The following LCLAT1 variants were observed in gnomAD, a reference collection of about 807,000 sequenced individuals.
LCLAT1 encodes lysocardiolipin acyltransferase 1, also known as 1-AGP acyltransferase 8.
In LCLAT1, 11 loss-of-function variants were observed where a neutral mutation model predicts 30.7. The ratio of observed to expected loss-of-function variants is 0.36; its 90% CI spans 0.23 to 0.59. LCLAT1 has a LOEUF of 0.59. Among genes scored for constraint, LCLAT1 ranks in the 20% least tolerant of loss-of-function variants. The pLI, the probability that LCLAT1 is intolerant of heterozygous loss-of-function variation, is 0.77. For synonymous variants in LCLAT1, 155 were observed against 151.3 expected (o/e 1.02, Z -0.18); for missense variants, 402 against 458.6 (o/e 0.88, Z 1.13).
intron 1 of LCLAT1, among the ~76,000 whole-genome samples, chr2:30,456,531 G>T (rs1572466470): frequency 6.6e-6 from 1 of 151,436 alleles, no homozygotes; most frequent in Non-Finnish European, 1.5e-5. Flanking sequence ...GGAAACTTAG[G>T]CTCCCTACAT....
intron 2 of LCLAT1, among the ~76,000 whole-genome samples, 153 bp downstream of exon 2, chr2:30,525,908 T>C (rs1000511871): frequency 4.6e-5 from 7 of 152,218 alleles, no homozygotes; most frequent in African/African-American, 1.7e-4. Context: ...CTAGATTGCT[T>C]ATAATACCGA....
At chr2:30,637,937 C>T (rs1669116881) in intron 5 of LCLAT1, among the ~76,000 whole-genome samples, 1 of 152,166 alleles carries the variant, frequency 6.6e-6, no homozygotes, top group African/African-American at 2.4e-5. Flanking sequence ...AATACAGCTC[C>T]ACTGAAGCTT....
intron 5 of LCLAT1, among the ~76,000 whole-genome samples, chr2:30,624,249 A>G (rs1668401716): frequency 6.6e-6 from 1 of 152,230 alleles, no homozygotes; most frequent in Non-Finnish European, 1.5e-5. Flanking sequence ...CACAATGAAT[A>G]GAATAGTACT....
chr2:30,496,856 C>T (rs1684144272), intron 1 of LCLAT1, among the ~76,000 whole-genome samples: 1 of 152,166 alleles, frequency 6.6e-6, no homozygotes, highest in Non-Finnish European at 1.5e-5. Context: ...CTAGGCAGTG[C>T]CCAGCAAACC....
chr2:30,627,539 A>G (rs1021107899), intron 5 of LCLAT1, among the ~76,000 whole-genome samples: 1 of 152,192 alleles, frequency 6.6e-6, no homozygotes, highest in Admixed American at 6.5e-5. Context: ...GTTTTCTCAC[A>G]GGTCTGTATA....
At chr2:30,474,857 G>T (rs1458866297) in intron 1 of LCLAT1, among the ~76,000 whole-genome samples, 6 of 152,030 alleles carry the variant, frequency 3.9e-5, no homozygotes, top group African/African-American at 1.4e-4. Flanking sequence ...TCATTTTGTT[G>T]CCTAGGCTGG....
chr2:30,612,650 G>A (rs953055241), intron 5 of LCLAT1, among the ~76,000 whole-genome samples: 1 of 152,198 alleles, frequency 6.6e-6, no homozygotes, highest in Non-Finnish European at 1.5e-5. Context: ...AATGTCTCAT[G>A]TCCAGAACAG....
intron 3 of LCLAT1, among the ~76,000 whole-genome samples, chr2:30,548,870 T>G (rs1221486637): frequency 1.3e-5 from 2 of 152,150 alleles, no homozygotes; most frequent in Admixed American, 6.5e-5. Flanking sequence ...AAAGCTCATG[T>G]GATGAGAATT....
At chr2:30,587,056 T>A (rs1666476472) in intron 5 of LCLAT1, among the ~76,000 whole-genome samples, 1 of 152,194 alleles carries the variant, frequency 6.6e-6, no homozygotes, top group African/African-American at 2.4e-5. Context: ...ACCTGAACAC[T>A]CTCAAGTGAC....
chr2:30,493,626 G>C (rs1390542172), intron 1 of LCLAT1, among the ~76,000 whole-genome samples: 1 of 152,088 alleles, frequency 6.6e-6, no homozygotes, highest in Non-Finnish European at 1.5e-5. Context: ...TCAAGATACA[G>C]AACAGCTCTG....
chr2:30,497,083 T>C (rs1684155278), intron 1 of LCLAT1, among the ~76,000 whole-genome samples: 1 of 152,226 alleles, frequency 6.6e-6, no homozygotes, highest in South Asian at 2.1e-4. Flanking sequence ...AAGGTAAAAG[T>C]ATTCTTTGCA....
At chr2:30,535,722 A>G (rs1050321272) in intron 3 of LCLAT1, among the ~76,000 whole-genome samples, 2 of 152,216 alleles carry the variant, frequency 1.3e-5, no homozygotes, top group African/African-American at 4.8e-5. Flanking sequence ...TCATATGCAC[A>G]GATACCAGTG....
At chr2:30,597,808 T>G (rs924459839) in intron 5 of LCLAT1, among the ~76,000 whole-genome samples, 46 of 152,206 alleles carry the variant, frequency 3.0e-4, no homozygotes, top group African/African-American at 1.1e-3. Flanking sequence ...ATTAATATTT[T>G]GAGGTACGTT....
chr2:30,601,843 T>C (rs966860346), intron 5 of LCLAT1, among the ~76,000 whole-genome samples: 1 of 150,822 alleles, frequency 6.6e-6, no homozygotes, highest in African/African-American at 2.4e-5. Context: ...TATATTTATC[T>C]ACAACAAAAC....
intron 1 of LCLAT1, among the ~76,000 whole-genome samples, chr2:30,452,854 A>AC (rs1681627481): frequency 6.6e-6 from 1 of 151,960 alleles, no homozygotes; most frequent in Non-Finnish European, 1.5e-5. Context: ...AGTTTTATTC[A>AC]CACCTTTACC....
In LCLAT1 at chr2:30,563,643, T is replaced by C. The variant is rs563390732; in HGVS notation, c.511+1351T>C. 1.9e-3 allele frequency among the ~76,000 whole-genome samples: 283 copies of C among 152,328 alleles called. 1 individual carries two copies. The highest frequency in any genetic ancestry group is 4.0e-3 in the Admixed American group (61 of 15,294). On this transcript the variant is annotated intron_variant, in intron 4 of 5. Coordinates refer to ENST00000379509, the MANE Select transcript of LCLAT1 (RefSeq NM_001002257.3). The stretch of plus-strand genomic sequence containing the variant: ...GGCAGGTAGAACATGAACTTAACTT[T>C]CAAATTTTTGGTAATAGACTAAGAA...
chr2:30,465,993 A>G (rs1049197947), intron 1 of LCLAT1, among the ~76,000 whole-genome samples: 2 of 151,986 alleles, frequency 1.3e-5, no homozygotes, highest in Non-Finnish European at 2.9e-5. Flanking sequence ...TTTTACTGAC[A>G]TATAATTTCT....
intron 5 of LCLAT1, among the ~76,000 whole-genome samples, chr2:30,582,103 G>A (rs1260345620): frequency 6.6e-6 from 1 of 152,088 alleles, no homozygotes; most frequent in Non-Finnish European, 1.5e-5. Context: ...ATACTAGAGT[G>A]TAAGCTCCTT....
In LCLAT1 at chr2:30,525,685, T is replaced by C. The variant is rs781648159; in HGVS notation, c.95T>C (p.Met32Thr). 6.2e-7 allele frequency: 1 copy of C among 1,614,194 alleles called. No homozygotes were observed. Among genetic ancestry groups the C allele is most frequent in the South Asian group, 1.1e-5 (1 of 91,090 alleles). The change falls in exon 2 of 6, where the codon ATG becomes ACG. Residue 32 changes from methionine to threonine, a missense_variant. By Grantham distance (81) the Met-to-Thr change is moderately conservative. Transcript: ENST00000379509. ...IFMLSPFLPL[M>T]FVNPSWYRWI... ...ATGCTGAGTCCCTTTTTACCTTTGA[T>C]GTTTGTAAACCCATCTTGGTATCGC...
Sources: gnomAD v4.1 joint callset for allele counts (sites outside exome capture counted in the v4.1 genomes callset) on GRCh38, gnomAD v4.1.1 for gene constraint, MANE v1.5 for transcripts, NCBI Gene and HGNC (gene_info 2026-07-23, HGNC 2026-07-21) for gene names.